The following GALNT13 variants were observed in gnomAD, a reference collection of about 807,000 sequenced individuals.
The protein encoded by GALNT13 is polypeptide N-acetylgalactosaminyltransferase 13.
In GALNT13, 28 loss-of-function variants were observed where a neutral mutation model predicts 64.2. The observed-to-expected ratio is 0.44, with a 90% confidence interval of 0.32 to 0.60. GALNT13 has a LOEUF of 0.60. Among genes scored for constraint, GALNT13 ranks in the 20% least tolerant of loss-of-function variants. The probability of loss-of-function intolerance (pLI) is 0.05; values close to 1 mark genes in which losing one functional copy is unlikely to be tolerated. For synonymous variants in GALNT13, 214 were observed against 224.6 expected (o/e 0.95, Z 0.42); for missense variants, 577 against 669.8 (o/e 0.86, Z 1.53).
At chr2:154,295,814 A>G (rs1692890327) in intron 8 of GALNT13, among the ~76,000 whole-genome samples, 1 of 151,980 alleles carries the variant, frequency 6.6e-6, no homozygotes. Context: ...GCCTTCCCCA[A>G]TGGGTAGGGT....
At chr2:153,313,592 T>C in the GALNT13 span, among the ~76,000 whole-genome samples, 2 of 152,120 alleles carry the variant, frequency 1.3e-5, no homozygotes, top group Non-Finnish European at 2.9e-5. Flanking sequence ...AAATAACTAA[T>C]GGGTACTAGG....
chr2:154,133,393 C>T (rs1432871875), intron 3 of GALNT13, among the ~76,000 whole-genome samples: 5 of 151,452 alleles, frequency 3.3e-5, no homozygotes, highest in African/African-American at 4.9e-5. Context: ...TCCATAGTGT[C>T]CACACATTTT....
At chr2:154,198,620 A>G (rs1687006368) in intron 4 of GALNT13, among the ~76,000 whole-genome samples, 1 of 151,806 alleles carries the variant, frequency 6.6e-6, no homozygotes, top group Admixed American at 6.6e-5. Context: ...GAGTCCCTGC[A>G]AGTACCCTAT....
At chr2:153,802,061 C>T in the GALNT13 span, among the ~76,000 whole-genome samples, 100 of 152,188 alleles carry the variant, frequency 6.6e-4, 1 homozygote, top group Non-Finnish European at 9.7e-4. Context: ...CCATTATAGT[C>T]GTGTATCTGA....
At chr2:153,717,981 C>G in the GALNT13 span, among the ~76,000 whole-genome samples, 73 of 151,774 alleles carry the variant, frequency 4.8e-4, no homozygotes, top group African/African-American at 1.7e-3. Context: ...TTATTCAAAG[C>G]CACAGGATGT....
intron 3 of GALNT13, among the ~76,000 whole-genome samples, chr2:154,065,637 C>T (rs1303796393): frequency 6.6e-6 from 1 of 152,180 alleles, no homozygotes; most frequent in Non-Finnish European, 1.5e-5. Flanking sequence ...TGTGAGTCCA[C>T]AAGAGCCATA....
intron 8 of GALNT13, among the ~76,000 whole-genome samples, chr2:154,264,623 C>T (rs549382675): frequency 2.6e-5 from 4 of 151,838 alleles, no homozygotes; most frequent in East Asian, 3.9e-4. Flanking sequence ...GACAACAGAG[C>T]GAGACTCTGT....
chr2:153,367,971 A>G, the GALNT13 span, among the ~76,000 whole-genome samples: 6 of 152,124 alleles, frequency 3.9e-5, no homozygotes, highest in African/African-American at 1.4e-4. Flanking sequence ...AAATAGTAAC[A>G]TAAATAAAAA....
chr2:153,628,928 T>C, the GALNT13 span, among the ~76,000 whole-genome samples: 1 of 152,128 alleles, frequency 6.6e-6, no homozygotes, highest in East Asian at 1.9e-4. Flanking sequence ...GTGGTACCAG[T>C]TCCTCCTTGT....
At chr2:153,569,271 G>A in the GALNT13 span, among the ~76,000 whole-genome samples, 5 of 152,084 alleles carry the variant, frequency 3.3e-5, no homozygotes, top group African/African-American at 1.2e-4. Context: ...GTACGTTCAT[G>A]TTATTTTGGA....
intron 8 of GALNT13, among the ~76,000 whole-genome samples, chr2:154,263,151 A>G (rs1042446044): frequency 9.9e-5 from 15 of 152,210 alleles, no homozygotes; most frequent in African/African-American, 3.6e-4. Flanking sequence ...AATCTGTCTC[A>G]CAGCCATGAA....
At chr2:154,444,667 AAAT>A (rs1316083610) in intron 12 of GALNT13, among the ~76,000 whole-genome samples, 5 of 152,148 alleles carry the variant, frequency 3.3e-5, no homozygotes, top group Non-Finnish European at 7.4e-5. Context: ...ATTTCCAAAG[AAAT>A]AATGACAGAT....
At chr2:153,391,620 T>A in the GALNT13 span, among the ~76,000 whole-genome samples, 1 of 152,084 alleles carries the variant, frequency 6.6e-6, no homozygotes, top group Admixed American at 6.6e-5. Context: ...TAAAACCAAG[T>A]CCTTTATCTA....
chr2:153,221,893 C>A, the GALNT13 span, among the ~76,000 whole-genome samples: 17 of 152,314 alleles, frequency 1.1e-4, no homozygotes, highest in East Asian at 3.3e-3. Context: ...CTTTGAGACA[C>A]CAGAAACCGC....
intron 11 of GALNT13, among the ~76,000 whole-genome samples, chr2:154,419,781 G>A (rs1700172497): frequency 6.6e-6 from 1 of 152,042 alleles, no homozygotes; most frequent in Non-Finnish European, 1.5e-5. Context: ...AGGGACTATG[G>A]CACCAACAAG....
the GALNT13 span, among the ~76,000 whole-genome samples, chr2:153,716,185 A>G: frequency 6.6e-6 from 1 of 152,210 alleles, no homozygotes; most frequent in African/African-American, 2.4e-5. Flanking sequence ...AGAAAATCAG[A>G]TGAAACTTAG....
chr2:154,207,940 A>C (rs1687553317), intron 4 of GALNT13, among the ~76,000 whole-genome samples: 1 of 152,188 alleles, frequency 6.6e-6, no homozygotes, highest in African/African-American at 2.4e-5. Context: ...AGGACTTTTC[A>C]ATGTACCCTC....
chr2:153,590,263 TACA>T, the GALNT13 span, among the ~76,000 whole-genome samples: 1 of 152,138 alleles, frequency 6.6e-6, no homozygotes. Context: ...TCTGGGAACA[TACA>T]ACCTCTCAAG....
At chr2:153,736,298 C>A in the GALNT13 span, among the ~76,000 whole-genome samples, 1 of 152,102 alleles carries the variant, frequency 6.6e-6, no homozygotes, top group East Asian at 1.9e-4. Flanking sequence ...TCCAAATTAT[C>A]TCATATTTTG....
Sources: gnomAD v4.1 joint callset for allele counts (sites outside exome capture counted in the v4.1 genomes callset) on GRCh38, gnomAD v4.1.1 for gene constraint, MANE v1.5 for transcripts, NCBI Gene and HGNC (gene_info 2026-07-23, HGNC 2026-07-21) for gene names.